Variants in ADGRG6 observed in about 807,000 individuals in gnomAD.
ADGRG6 encodes the protein adhesion G protein-coupled receptor G6.
Under a neutral mutation model 142.4 loss-of-function variants are expected in ADGRG6, and 84 were observed. That is an observed-to-expected ratio of 0.59 (90% CI 0.49 to 0.71). The LOEUF (loss-of-function observed/expected upper bound fraction) is 0.71, where lower values mean the gene tolerates loss of function less well. ADGRG6 is among the 30% of genes least tolerant of loss of function. The pLI, the probability that ADGRG6 is intolerant of heterozygous loss-of-function variation, is 0.00. For missense variants in ADGRG6, 1,367 were observed against 1,466.6 expected (o/e 0.93, Z 1.11); for synonymous variants, 521 against 520.5 (o/e 1.00, Z -0.01).
At chr6:142,368,484 C>G (rs1321221423) in intron 3 of ADGRG6, among the ~76,000 whole-genome samples, 2 of 151,770 alleles carry the variant, frequency 1.3e-5, no homozygotes, top group Non-Finnish European at 2.9e-5. Flanking sequence ...ATCTTTCTCT[C>G]TAAAACCTGT....
chr6:142,382,088 C>A, intron 5 of ADGRG6, 69 bp downstream of exon 5: 1 of 907,534 alleles, frequency 1.1e-6, no homozygotes, highest in South Asian at 1.5e-5. Context: ...ATGTGGTTGT[C>A]ATTGTTTTGA....
intron 24 of ADGRG6, among the ~76,000 whole-genome samples, chr6:142,443,008 T>G (rs1777831438): frequency 6.6e-6 from 1 of 152,186 alleles, no homozygotes; most frequent in Non-Finnish European, 1.5e-5. Flanking sequence ...CTTATAATTT[T>G]GTACATCTTT....
At chr6:142,342,631 C>T (rs1387231831) in intron 2 of ADGRG6, among the ~76,000 whole-genome samples, 1 of 152,034 alleles carries the variant, frequency 6.6e-6, no homozygotes, top group Non-Finnish European at 1.5e-5. Context: ...ACGAGGCTGA[C>T]AGTAGCATTC....
At chr6:142,414,654 C>T (rs923460117) in intron 18 of ADGRG6, among the ~76,000 whole-genome samples, 2 of 152,228 alleles carry the variant, frequency 1.3e-5, no homozygotes, top group Non-Finnish European at 2.9e-5. Flanking sequence ...GCAAGGCAAC[C>T]GTCTCCTCTC....
chr6:142,398,506 A>G (rs1775324400), intron 10 of ADGRG6, among the ~76,000 whole-genome samples: 1 of 152,184 alleles, frequency 6.6e-6, no homozygotes, highest in Non-Finnish European at 1.5e-5. Flanking sequence ...GGACTAGGTC[A>G]TGAATGTAGG....
intron 18 of ADGRG6, among the ~76,000 whole-genome samples, chr6:142,412,105 C>T (rs1776118336): frequency 6.6e-6 from 1 of 152,122 alleles, no homozygotes; most frequent in South Asian, 2.1e-4. Flanking sequence ...ATGTGTTTTT[C>T]TTATCCCACC....
chr6:142,306,776 T>C (rs758206155), intron 1 of ADGRG6, among the ~76,000 whole-genome samples: 2 of 152,182 alleles, frequency 1.3e-5, no homozygotes, highest in African/African-American at 2.4e-5. Context: ...TATTTAAATC[T>C]CAGGGATATA....
At chr6:142,314,805 T>C (rs1777945240) in intron 2 of ADGRG6, among the ~76,000 whole-genome samples, 1 of 152,190 alleles carries the variant, frequency 6.6e-6, no homozygotes, top group African/African-American at 2.4e-5. Context: ...AGTGTGTTAA[T>C]GCTGTAAGAA....
At chr6:142,443,262 G>A in intron 24 of ADGRG6, 75 bp from the exon 25 acceptor site, 1 of 831,962 alleles carries the variant, frequency 1.2e-6, no homozygotes, top group Non-Finnish European at 1.9e-6. Context: ...GTGCAAAACG[G>A]AGTATACAAT....
chr6:142,416,342 C>T (rs1462091550), intron 20 of ADGRG6, among the ~76,000 whole-genome samples: 1 of 152,134 alleles, frequency 6.6e-6, no homozygotes, highest in Non-Finnish European at 1.5e-5. Context: ...GCCAGCCCAC[C>T]CAAGTCTGAA....
At chr6:142,373,030 G>T (rs920685535) in intron 4 of ADGRG6, among the ~76,000 whole-genome samples, 3 of 152,126 alleles carry the variant, frequency 2.0e-5, no homozygotes, top group Non-Finnish European at 4.4e-5. Flanking sequence ...ACACATATTG[G>T]TTGATTACCT....
chr6:142,435,670 T>A (rs1186453646), intron 22 of ADGRG6, among the ~76,000 whole-genome samples: 2 of 152,126 alleles, frequency 1.3e-5, no homozygotes, highest in Non-Finnish European at 2.9e-5. Flanking sequence ...CAGCATTGAA[T>A]ACACAAATAT....
chr6:142,342,664 T>C (rs933175378), intron 2 of ADGRG6, among the ~76,000 whole-genome samples: 1 of 152,024 alleles, frequency 6.6e-6, no homozygotes, highest in African/African-American at 2.4e-5. Flanking sequence ...GTGAGCTTTT[T>C]AAAACTTTGC....
chr6:142,405,626 G>A, intron 14 of ADGRG6, 62 bp from the exon 15 acceptor site: 1 of 1,339,344 alleles, frequency 7.5e-7, no homozygotes, highest in South Asian at 1.2e-5. Context: ...TATACATGTG[G>A]AATAAAGTTA....
At chr6:142,396,502 A>G (rs1197168700) in intron 9 of ADGRG6, among the ~76,000 whole-genome samples, 1 of 152,186 alleles carries the variant, frequency 6.6e-6, no homozygotes, top group East Asian at 1.9e-4. Flanking sequence ...AATATTTCAC[A>G]TATTCCTTCT....
intron 2 of ADGRG6, among the ~76,000 whole-genome samples, chr6:142,313,059 A>C (rs1232093988): frequency 1.3e-5 from 2 of 152,136 alleles, no homozygotes; most frequent in Non-Finnish European, 2.9e-5. Context: ...TCAGAGGCAC[A>C]GTTTGGAGAA....
chr6:142,377,154 C>T (rs768104787), intron 4 of ADGRG6, among the ~76,000 whole-genome samples: 4 of 152,046 alleles, frequency 2.6e-5, no homozygotes, highest in African/African-American at 7.2e-5. Flanking sequence ...AGCTAGAACC[C>T]GGGTTCTTGT....
At chr6:142,324,712 A>G (rs927332432) in intron 2 of ADGRG6, among the ~76,000 whole-genome samples, 7 of 152,130 alleles carry the variant, frequency 4.6e-5, no homozygotes, top group African/African-American at 1.2e-4. Flanking sequence ...GTTTTCCTCC[A>G]TCTGTCATTT....
chr6:142,307,107 G>A (rs560705367), intron 1 of ADGRG6, among the ~76,000 whole-genome samples: 123 of 152,094 alleles, frequency 8.1e-4, no homozygotes, highest in Non-Finnish European at 1.3e-3. Context: ...TTGCCTGAGC[G>A]CATAAACAGT....
Sources: gnomAD v4.1 joint callset for allele counts (sites outside exome capture counted in the v4.1 genomes callset) on GRCh38, gnomAD v4.1.1 for gene constraint, MANE v1.5 for transcripts, NCBI Gene and HGNC (gene_info 2026-07-23, HGNC 2026-07-21) for gene names.